Variants in RABGAP1 observed in about 807,000 individuals in gnomAD.
RABGAP1 encodes RAB GTPase activating protein 1, also known as rab GTPase-activating protein 1.
RABGAP1 carries 23 observed loss-of-function variants against 137.6 expected under a neutral mutation model. The ratio of observed to expected loss-of-function variants is 0.17; its 90% confidence interval spans 0.12 to 0.24. RABGAP1 has a LOEUF of 0.24. RABGAP1 is among the 10% of genes least tolerant of loss of function. The pLI is 1.00. For synonymous variants in RABGAP1, 451 were observed against 450.7 expected (o/e 1.00, Z -0.01); for missense variants, 906 against 1,275.8 (o/e 0.71, Z 4.42).
intron 10 of RABGAP1, among the ~76,000 whole-genome samples, chr9:123,007,387 T>A (rs1354734498): frequency 6.7e-6 from 1 of 148,868 alleles, no homozygotes; most frequent in Non-Finnish European, 1.5e-5. Context: ...TTTTTTTTTT[T>A]TTTTTTCCAA....
chr9:123,074,318 G>A lies in RABGAP1; in HGVS notation c.2143G>A (p.Asp715Asn). ...TCCTGACCTGTACAACCACTTCCTG[G>A]ATATAAGCCTTGAAGCACACATGTA... The part of the protein sequence containing the change: ...YIPDLYNHFL[D>N]ISLEAHMYAS... Residue 715 changes from aspartate (D) to asparagine (N), a missense_variant, in exon 17 of 26, where the codon GAT becomes AAT. By Grantham distance (23) the Asp-to-Asn change is conservative. This residue lies in a region of RABGAP1 where 19 missense variants were observed against 63.0 expected (regional missense o/e 0.30). Transcript: ENST00000373647. The A allele has an allele frequency of 6.2e-7, 1 of 1,613,770 alleles. No individual in the cohort carries two copies. Among genetic ancestry groups the A allele is most frequent in the South Asian group, 1.1e-5 (1 of 91,054 alleles).
At chr9:123,011,447 A>G (rs1382298067) in intron 11 of RABGAP1, among the ~76,000 whole-genome samples, 1 of 152,090 alleles carries the variant, frequency 6.6e-6, no homozygotes, top group Non-Finnish European at 1.5e-5. Flanking sequence ...GTATCCATGT[A>G]CTTTCTTCAA....
chr9:122,979,650 A>G (rs867699309), intron 2 of RABGAP1, among the ~76,000 whole-genome samples: 5 of 152,212 alleles, frequency 3.3e-5, no homozygotes, highest in Admixed American at 2.0e-4. Context: ...GATGTGAACT[A>G]TTGAGATTCA....
chr9:123,039,596 CAA>C (rs902099375), intron 13 of RABGAP1, among the ~76,000 whole-genome samples: 1 of 152,072 alleles, frequency 6.6e-6, no homozygotes, highest in African/African-American at 2.4e-5. Context: ...TTTTTGGTAT[CAA>C]GAGATTAATG....
chr9:123,058,999 T>TA (rs886469333), intron 13 of RABGAP1, among the ~76,000 whole-genome samples: 2 of 152,190 alleles, frequency 1.3e-5, no homozygotes, highest in African/African-American at 4.8e-5. Context: ...CCCTACTTAC[T>TA]ACATGGTTCA....
chr9:122,990,783 AAAAAAAAAAAAAAATATATATATAT>A (rs1474694910), intron 6 of RABGAP1: 10 of 80,570 alleles, frequency 1.2e-4, no homozygotes, highest in African/African-American at 4.2e-4. Context: ...AAAAAAAAAA[AAAAAAAAAAAAAAATATATATATAT>A]ATATATATAT....
At chr9:123,005,926 A>T (rs1216685717) in intron 10 of RABGAP1, among the ~76,000 whole-genome samples, 2 of 152,142 alleles carry the variant, frequency 1.3e-5, no homozygotes, top group Non-Finnish European at 2.9e-5. Context: ...AGACTTAAGG[A>T]TCTGTGAGGC....
In RABGAP1 at chr9:123,035,802, A is replaced by G. The variant is rs115695029; in HGVS notation, c.1794+15343A>G. 1.5e-3 allele frequency: 751 copies of G among 505,628 alleles called. 6 individuals are homozygous for G. The highest frequency in any genetic ancestry group is 0.013 in the African/African-American group (672 of 51,688). 31.3% of individuals were successfully genotyped at this position (505,628 alleles called of 1,614,324 possible). ...TTCTAAGTTTGTAGAAATGGTTTTC[A>G]AAAGTGCTTGTGAATTAGAAGACTC... On this transcript the variant is annotated intron_variant, in intron 13 of 25. Transcript: ENST00000373647.
chr9:123,036,153 C>G (rs1482748472), intron 13 of RABGAP1, among the ~76,000 whole-genome samples: 1 of 152,164 alleles, frequency 6.6e-6, no homozygotes. Context: ...ATTTAGAAAG[C>G]CAAATGTTCT....
chr9:123,014,322 G>A (rs532833985), intron 11 of RABGAP1, among the ~76,000 whole-genome samples: 8 of 152,132 alleles, frequency 5.3e-5, no homozygotes, highest in African/African-American at 1.9e-4. Flanking sequence ...AATTAGAAAC[G>A]ATTTAATTTG....
Position 123,010,472 on chromosome 9 carries a change from A to G in RABGAP1, c.1493A>G (p.Gln498Arg), listed in dbSNP as rs761113740. The G allele has an allele frequency of 5.6e-6, 9 of 1,614,022 alleles. No individual in the cohort carries two copies. In the Admixed American group the frequency reaches 6.7e-5, roughly 12 times the overall value. The change falls in exon 11 of 26, where the codon CAG (glutamine) becomes CGG (arginine). Residue 498 changes from glutamine (Q) to arginine (R), a missense_variant. Gln to Arg is a conservative substitution (Grantham distance 43). This residue lies in a region of RABGAP1 where 212 missense variants were observed against 289.4 expected (regional missense o/e 0.73). Transcript: ENST00000373647. ...TTASPSVRLP[Q>R]SGSQSSVIPS... Reference sequence around the variant, plus strand: ...GCCAGTCCTTCAGTTCGCCTGCCACAGTCTGGATCGCAAAGTTCAGTGATA... The same window carrying G: ...GCCAGTCCTTCAGTTCGCCTGCCACGGTCTGGATCGCAAAGTTCAGTGATA...
Position 123,034,761 on chromosome 9 carries a change from T to C in RABGAP1, c.1794+14302T>C, listed in dbSNP as rs781367482. 23 of 1,613,958 alleles carry C rather than the reference T, an allele frequency of 1.4e-5. No individual in the cohort carries two copies. In the South Asian group the frequency reaches 2.2e-4, roughly 15 times the overall value. On this transcript the variant is annotated intron_variant, in intron 13 of 25. Coordinates refer to ENST00000373647, the MANE Select transcript of RABGAP1 (RefSeq NM_012197.4). ...CTTTGTTGAACCATCACACTACAAG[T>C]TATTTTATCCAGACTATGGCATATG...
In RABGAP1 at chr9:122,957,792, G is replaced by A. The variant is rs74734877; in HGVS notation, c.150+583G>A. Among the ~76,000 whole-genome samples the A allele has an allele frequency of 2.1e-3, 317 of 151,836 alleles. 1 individual carries two copies. Among genetic ancestry groups the A allele is most frequent in the African/African-American group, 7.3e-3 (303 of 41,380 alleles). ...TTTTCTTGCAACAAATGTTTACTAA[G>A]TAATGACTATATGCCAATTATTGTT... On this transcript the variant is annotated intron_variant, in intron 2 of 25. Coordinates refer to ENST00000373647, the MANE Select transcript of RABGAP1 (RefSeq NM_012197.4).
chr9:122,983,550 G>C (rs1296332481), intron 2 of RABGAP1, among the ~76,000 whole-genome samples: 1 of 152,154 alleles, frequency 6.6e-6, no homozygotes, highest in Non-Finnish European at 1.5e-5. Flanking sequence ...ACCTACCTCT[G>C]TTATTGGAAT....
chr9:122,979,590 T>G (rs530221334), intron 2 of RABGAP1, among the ~76,000 whole-genome samples: 1 of 152,374 alleles, frequency 6.6e-6, no homozygotes, highest in South Asian at 2.1e-4. Flanking sequence ...TTTTATAATT[T>G]TAGAGCACAC....
chr9:122,955,742 T>C (rs1834483868), intron 1 of RABGAP1, among the ~76,000 whole-genome samples: 1 of 152,240 alleles, frequency 6.6e-6, no homozygotes, highest in Non-Finnish European at 1.5e-5. Flanking sequence ...GATGTTTATA[T>C]GTGGGCCTTT....
At chr9:122,986,555 T>C (rs1172985233) in intron 4 of RABGAP1, 136 bp downstream of exon 4, 3 of 958,096 alleles carry the variant, frequency 3.1e-6, no homozygotes, top group Non-Finnish European at 4.7e-6. Flanking sequence ...CTGGCACTCA[T>C]GTCTCCCAAG....
chr9:122,972,961 CCTAT>C (rs1246942074), intron 2 of RABGAP1, among the ~76,000 whole-genome samples: 5 of 130,620 alleles, frequency 3.8e-5, no homozygotes, highest in Non-Finnish European at 6.4e-5. Context: ...ATAGTGAGAG[CCTAT>C]CTCTTTATAT....
chr9:122,996,004 A>G (rs1426891233), intron 6 of RABGAP1, 37 bp from the exon 7 acceptor site: 14 of 1,550,754 alleles, frequency 9.0e-6, no homozygotes, highest in Non-Finnish European at 1.2e-5. Flanking sequence ...TGACAAGAAA[A>G]TGCTTTGCAA....
Sources: gnomAD v4.1 joint callset for allele counts (sites outside exome capture counted in the v4.1 genomes callset) on GRCh38, gnomAD v4.1.1 for gene constraint, gnomAD v4.1.1 regional missense constraint, MANE v1.5 for transcripts, NCBI Gene and HGNC (gene_info 2026-07-23, HGNC 2026-07-21) for gene names.